SLC6A13: variants seen among roughly 807,000 people sequenced by gnomAD.
SLC6A13 encodes sodium- and chloride-dependent GABA transporter 2.
Under a neutral mutation model 72.9 loss-of-function variants are expected in SLC6A13, and 69 were observed. The ratio of observed to expected loss-of-function variants is 0.95; its 90% CI spans 0.78 to 1.16. The LOEUF is 1.16. Among genes scored for constraint, SLC6A13 ranks in the 50% most tolerant of loss-of-function variants. The pLI, the probability that SLC6A13 is intolerant of heterozygous loss-of-function variation, is 0.00. For missense variants in SLC6A13, 735 were observed against 760.5 expected, an observed-to-expected ratio of 0.97 and a Z score of 0.39; for synonymous variants, 303 against 303.0, an observed-to-expected ratio of 1.00 and a Z score of 0.00.
At chr12:245,897 C>T (rs910617744) in intron 2 of SLC6A13, among the ~76,000 whole-genome samples, 9 of 151,674 alleles carry the variant, frequency 5.9e-5, no homozygotes, top group African/African-American at 2.2e-4. Flanking sequence ...GCAGGTGGAT[C>T]ATGAGGTCAG....
At chr12:260,205 C>T in intron 1 of SLC6A13, 148 bp from the exon 2 acceptor site, 3 of 806,892 alleles carry the variant, frequency 3.7e-6, no homozygotes, top group Non-Finnish European at 5.8e-6. Flanking sequence ...TCCTCCTTAG[C>T]AGTTCTCATT....
In SLC6A13 at chr12:220,950, A is replaced by C; in HGVS notation, c.1807T>G (p.Ter603GluextTer75). 3 of 1,612,428 alleles carry C rather than the reference A, an allele frequency of 1.9e-6. No individual in the cohort carries two copies. The highest frequency in any genetic ancestry group is 2.5e-6 in the Non-Finnish European group (3 of 1,179,878). ...LRLTELESHC* is the reference protein window; with the variant it reads ...LRLTELESHCE ...GGCACCATCCAAGGGCCTGCCCCCT[A>C]GCAGTGAGACTCTAGCTCTGTGAGT... The change falls in exon 15 of 15, where the codon TAG becomes GAG. Residue 603 changes from the stop codon to glutamate, a stop_lost. Transcript: ENST00000343164.
At chr12:223,515 G>A (rs540082729) in intron 11 of SLC6A13, among the ~76,000 whole-genome samples, 2 of 152,350 alleles carry the variant, frequency 1.3e-5, no homozygotes, top group East Asian at 3.9e-4. Context: ...CGAAGCCCAA[G>A]ACATAGAGTG....
chr12:250,412 AC>A (rs1196893616), intron 2 of SLC6A13, among the ~76,000 whole-genome samples: 1 of 151,484 alleles, frequency 6.6e-6, no homozygotes, highest in Admixed American at 6.6e-5. Flanking sequence ...ACAAAAAAAA[AC>A]CTATTAGAAC....
At position 261,264 on chromosome 12, in the gene SLC6A13, AACC is replaced by A. The variant is rs1472674619; in HGVS notation, c.-5-1210_-5-1208del. ...ATTCTTTTCATTTAATTCTCACAAC[AACC>A]CTGAGATGTAAGCATTATTACCTCC... On this transcript the variant is annotated intron_variant, in intron 1 of 14. Coordinates refer to ENST00000343164, the MANE Select transcript of SLC6A13 (RefSeq NM_016615.5). Among the ~76,000 whole-genome samples, 3 of 152,322 alleles carry A rather than the reference AACC, an allele frequency of 2.0e-5. No homozygotes were observed. In the East Asian group the frequency reaches 5.8e-4, roughly 29 times the overall value.
At chr12:241,128 A>T (rs2137294198) in intron 4 of SLC6A13, among the ~76,000 whole-genome samples, 1 of 151,986 alleles carries the variant, frequency 6.6e-6, no homozygotes, top group East Asian at 1.9e-4. Flanking sequence ...AAATGGTGAA[A>T]CCCTGTCTCT....
chr12:233,745 G>T (rs7303797), intron 7 of SLC6A13, among the ~76,000 whole-genome samples: 1 of 152,084 alleles, frequency 6.6e-6, no homozygotes, highest in East Asian at 1.9e-4. Context: ...GCCCTTGAGA[G>T]ATATTACTAG....
Position 246,123 on chromosome 12 carries a change from AT to A in SLC6A13, c.203-2311del, listed in dbSNP as rs1430663867. On this transcript the variant is annotated intron_variant, in intron 2 of 14. Coordinates refer to ENST00000343164, the MANE Select transcript of SLC6A13 (RefSeq NM_016615.5). The stretch of plus-strand genomic sequence containing the variant: ...ACAGAGCAAGACTCCATCTCAAAAA[AT>A]AAAAGTAAAAATAAATAAATAAATA... 2.2e-5 allele frequency among the ~76,000 whole-genome samples: 3 copies of A among 139,372 alleles called. No homozygotes were observed. The East Asian group carries it at 6.2e-4, about 29-fold the overall frequency. 91.4% of individuals were successfully genotyped at this position (139,372 alleles called of 152,430 possible). A position where few individuals can be genotyped will look rare whatever the true frequency, so the allele number is the denominator to read the frequency against.
At chr12:229,757 C>G (rs1941627602) in intron 7 of SLC6A13, among the ~76,000 whole-genome samples, 2 of 152,184 alleles carry the variant, frequency 1.3e-5, no homozygotes, top group African/African-American at 4.8e-5. Flanking sequence ...CCATGAATTA[C>G]CAAGGAAACA....
At chr12:234,349 C>G (rs1173248329) in intron 7 of SLC6A13, among the ~76,000 whole-genome samples, 2 of 152,202 alleles carry the variant, frequency 1.3e-5, no homozygotes, top group Non-Finnish European at 2.9e-5. Flanking sequence ...ATTGCCCACA[C>G]CTTTCCAGGA....
intron 6 of SLC6A13, 199 bp downstream of exon 6, chr12:236,959 C>T (rs1050822119): frequency 2.2e-5 from 12 of 549,296 alleles, no homozygotes; most frequent in African/African-American, 9.3e-5. Context: ...CTGCCTTTCT[C>T]GCTCTCTTCC....
At chr12:227,250 A>G (rs1273985665) in intron 8 of SLC6A13, among the ~76,000 whole-genome samples, 2 of 152,026 alleles carry the variant, frequency 1.3e-5, no homozygotes, top group African/African-American at 4.8e-5. Context: ...TTATTCAAAG[A>G]CCTGTGGTGC....
intron 12 of SLC6A13, 123 bp downstream of exon 12, chr12:223,009 G>T: frequency 1.6e-6 from 1 of 635,874 alleles, no homozygotes; most frequent in Non-Finnish European, 2.8e-6. Context: ...GATTTTGGAG[G>T]TTGGGTAGGG....
At chr12:247,021 AAGAAAGAAAGAAAAG>A (rs1565504225) in intron 2 of SLC6A13, among the ~76,000 whole-genome samples, 1 of 16,532 alleles carries the variant, frequency 6.0e-5, no homozygotes, top group African/African-American at 1.2e-4. Context: ...AAAAAAAAAA[AAGAAAGAAAGAAAAG>A]AAAGAAAGAA....
chr12:259,656 G>T, intron 2 of SLC6A13, 195 bp downstream of exon 2: 1 of 1,441,138 alleles, frequency 6.9e-7, no homozygotes, highest in Middle Eastern at 2.5e-4. Flanking sequence ...CGTTATAATA[G>T]AAAGAGCCCT....
chr12:227,144 C>T (rs1941492673), intron 8 of SLC6A13, among the ~76,000 whole-genome samples: 1 of 152,168 alleles, frequency 6.6e-6, no homozygotes, highest in Admixed American at 6.5e-5. Flanking sequence ...CCTCACTTCA[C>T]ATCATGGATA....
rs540156724 is a variant in SLC6A13 at position 222,576 on chromosome 12, G to C, written c.1471C>G (p.Leu491Val). ...EDMIGYRPWPLIKYCWLFLTP... is the reference protein window; with the variant it reads ...EDMIGYRPWPVIKYCWLFLTP... ...AGGAAGAGCCAACAGTATTTGATAA[G>C]AGGCCATGGCCTGTACCCAATCATG... The change falls in exon 13 of 15, where the codon CTT (leucine) becomes GTT (valine). Residue 491 changes from leucine to valine, a missense_variant. Physicochemically the swap from Leu to Val is conservative, Grantham distance 32 (BLOSUM62 1). Transcript: ENST00000343164. 2 of 1,610,762 alleles carry C rather than the reference G, an allele frequency of 1.2e-6. No homozygotes were observed. Among genetic ancestry groups the C allele is most frequent in the African/African-American group, 1.3e-5 (1 of 74,854 alleles).
At chr12:235,667 G>A (rs538607646) in intron 6 of SLC6A13, among the ~76,000 whole-genome samples, 2 of 152,192 alleles carry the variant, frequency 1.3e-5, no homozygotes, top group African/African-American at 4.8e-5. Context: ...GAATACTAGC[G>A]ATTTTTAGGG....
chr12:235,256 TGTGA>T (rs1941883401), intron 6 of SLC6A13, 32 bp from the exon 7 acceptor site: 7 of 1,613,444 alleles, frequency 4.3e-6, no homozygotes, highest in Non-Finnish European at 5.9e-6. Context: ...ACAAGGAGCT[TGTGA>T]GTGAGGAAGC....
Sources: gnomAD v4.1 joint callset for allele counts (sites outside exome capture counted in the v4.1 genomes callset) on GRCh38, gnomAD v4.1.1 for gene constraint, MANE v1.5 for transcripts, NCBI Gene and HGNC (gene_info 2026-07-23, HGNC 2026-07-21) for gene names.